Variants in FHIT observed in about 807,000 individuals in gnomAD.
FHIT encodes fragile histidine triad diadenosine triphosphatase.
Under a neutral mutation model 17.9 loss-of-function variants are expected in FHIT, and 19 were observed. That is an observed-to-expected ratio of 1.06 (90% CI 0.74 to 1.56). The LOEUF is 1.56. Among genes scored for constraint, FHIT ranks in the 40% most tolerant of loss-of-function variants. The probability of loss-of-function intolerance (pLI) is 0.00; values close to 1 mark genes in which losing one functional copy is unlikely to be tolerated. For synonymous variants in FHIT, 81 were observed against 69.7 expected (o/e 1.16, Z -0.81); for missense variants, 248 against 189.2 (o/e 1.31, Z -1.82).
intron 4 of FHIT, among the ~76,000 whole-genome samples, chr3:60,750,285 C>T (rs1377016581): frequency 1.3e-5 from 2 of 152,062 alleles, no homozygotes; most frequent in South Asian, 2.1e-4. Flanking sequence ...AAAATCAAGG[C>T]CCCCATATTT....
intron 4 of FHIT, among the ~76,000 whole-genome samples, chr3:60,610,738 T>G (rs1300693729): frequency 6.6e-6 from 1 of 152,192 alleles, no homozygotes; most frequent in African/African-American, 2.4e-5. Flanking sequence ...TCGCTGCACA[T>G]TTTTAAGATG....
At chr3:60,761,754 T>C (rs985942138) in intron 4 of FHIT, among the ~76,000 whole-genome samples, 2 of 151,746 alleles carry the variant, frequency 1.3e-5, no homozygotes, top group African/African-American at 4.8e-5. Context: ...TAGGACATAA[T>C]AAATAATTCA....
chr3:59,908,322 C>A (rs978940214), intron 8 of FHIT, among the ~76,000 whole-genome samples: 1 of 152,192 alleles, frequency 6.6e-6, no homozygotes, highest in African/African-American at 2.4e-5. Flanking sequence ...CTGCTGGAGG[C>A]ACCTAATTTC....
intron 2 of FHIT, among the ~76,000 whole-genome samples, chr3:61,098,812 C>A (rs1007963793): frequency 2.6e-5 from 4 of 152,192 alleles, no homozygotes; most frequent in African/African-American, 9.7e-5. Context: ...CATCCTGAGA[C>A]TTTGCTGAAG....
intron 4 of FHIT, among the ~76,000 whole-genome samples, chr3:60,735,499 G>A (rs542630803): frequency 6.6e-6 from 1 of 152,270 alleles, no homozygotes; most frequent in South Asian, 2.1e-4. Flanking sequence ...ACTACTGAAG[G>A]AACTATTGTG....
At chr3:60,477,796 C>T (rs1346710435) in intron 5 of FHIT, among the ~76,000 whole-genome samples, 1 of 152,114 alleles carries the variant, frequency 6.6e-6, no homozygotes, top group Non-Finnish European at 1.5e-5. Flanking sequence ...GGAAGGAGGG[C>T]AGAGAGCTCA....
At chr3:60,030,895 G>A (rs886147783) in intron 5 of FHIT, among the ~76,000 whole-genome samples, 1 of 152,058 alleles carries the variant, frequency 6.6e-6, no homozygotes, top group Non-Finnish European at 1.5e-5. Flanking sequence ...GTAGAGAGTA[G>A]AAAAAATAAC....
intron 3 of FHIT, among the ~76,000 whole-genome samples, chr3:60,834,396 T>C (rs2594132): frequency 0.19 from 28,502 of 152,182 alleles, 2,891 homozygotes; most frequent in Middle Eastern, 0.28. Context: ...TTGCCATCTG[T>C]ATAACCTCTT....
At chr3:60,474,722 C>A (rs1258749142) in intron 5 of FHIT, among the ~76,000 whole-genome samples, 1 of 151,774 alleles carries the variant, frequency 6.6e-6, no homozygotes, top group Non-Finnish European at 1.5e-5. Context: ...CTCCCGGGTT[C>A]AAGAGATTCT....
At chr3:59,796,024 T>C (rs1476256194) in intron 8 of FHIT, among the ~76,000 whole-genome samples, 3 of 152,152 alleles carry the variant, frequency 2.0e-5, no homozygotes, top group Admixed American at 6.5e-5. Flanking sequence ...TCCATGGCTA[T>C]AGGAAAGAGG....
At chr3:61,006,795 G>A (rs193141068) in intron 3 of FHIT, among the ~76,000 whole-genome samples, 63 of 151,794 alleles carry the variant, frequency 4.2e-4, no homozygotes, top group South Asian at 2.3e-3. Flanking sequence ...TCCATTCTTC[G>A]GAAATTATCT....
intron 4 of FHIT, among the ~76,000 whole-genome samples, chr3:60,742,706 T>A (rs2108012214): frequency 6.6e-6 from 1 of 152,316 alleles, no homozygotes; most frequent in Admixed American, 6.5e-5. Context: ...CTTTTGCATT[T>A]AGTTAAGGAC....
chr3:60,700,576 C>A (rs1648343561), intron 4 of FHIT, among the ~76,000 whole-genome samples: 2 of 151,978 alleles, frequency 1.3e-5, no homozygotes, highest in South Asian at 4.1e-4. Context: ...ATGCAGCCAT[C>A]TTTAAATATA....
intron 7 of FHIT, among the ~76,000 whole-genome samples, chr3:59,994,687 C>A (rs956322105): frequency 6.6e-6 from 1 of 151,974 alleles, no homozygotes; most frequent in African/African-American, 2.4e-5. Flanking sequence ...AAAATGACGG[C>A]CCCAAGTGTC....
chr3:59,874,455 A>C (rs946240898), intron 8 of FHIT, among the ~76,000 whole-genome samples: 4 of 152,174 alleles, frequency 2.6e-5, no homozygotes, highest in African/African-American at 9.7e-5. Context: ...GCAGAGTTGC[A>C]GATTTAGTAG....
chr3:60,816,046 A>G (rs1384093971), intron 4 of FHIT, among the ~76,000 whole-genome samples: 2 of 151,926 alleles, frequency 1.3e-5, no homozygotes, highest in Non-Finnish European at 2.9e-5. Flanking sequence ...CAAGTTGAAC[A>G]TTATTGGTGT....
At chr3:60,304,418 T>C (rs1017867593) in intron 5 of FHIT, among the ~76,000 whole-genome samples, 7 of 151,940 alleles carry the variant, frequency 4.6e-5, no homozygotes, top group African/African-American at 1.7e-4. Flanking sequence ...TACTTTCACA[T>C]TGCTTACTAG....
At chr3:60,067,715 T>C (rs116656639) in intron 5 of FHIT, among the ~76,000 whole-genome samples, 1,954 of 152,294 alleles carry the variant, frequency 0.013, 27 homozygotes, top group Non-Finnish European at 0.019. Flanking sequence ...TCAAGTGTTG[T>C]GGTATACTGG....
intron 2 of FHIT, among the ~76,000 whole-genome samples, chr3:61,150,319 G>A (rs750071032): frequency 8.6e-5 from 13 of 151,862 alleles, no homozygotes; most frequent in Non-Finnish European, 1.8e-4. Flanking sequence ...GGAGCGGTGG[G>A]GAGCTCTCTA....
Sources: gnomAD v4.1 joint callset for allele counts (sites outside exome capture counted in the v4.1 genomes callset) on GRCh38, gnomAD v4.1.1 for gene constraint, MANE v1.5 for transcripts, NCBI Gene and HGNC (gene_info 2026-07-23, HGNC 2026-07-21) for gene names.